CEP63: variants seen among roughly 807,000 people sequenced by gnomAD.
CEP63 encodes the protein centrosomal protein 63.
A neutral mutation model predicts 89.1 loss-of-function variants in CEP63; 84 were observed. The observed-to-expected ratio is 0.94, with a 90% CI of 0.79 to 1.13. The LOEUF (loss-of-function observed/expected upper bound fraction) is 1.13, where lower values mean the gene tolerates loss of function less well. Ranked by LOEUF, CEP63 falls within the 50% of genes most tolerant of loss-of-function variation. The pLI, the probability that CEP63 is intolerant of heterozygous loss-of-function variation, is 0.00. For missense variants in CEP63, 838 were observed against 813.3 expected, an observed-to-expected ratio of 1.03 and a Z score of -0.37; for synonymous variants, 267 against 272.5, an observed-to-expected ratio of 0.98 and a Z score of 0.20.
At chr3:134,709,986 C>T in the CEP63 span, among the ~76,000 whole-genome samples, 1 of 152,356 alleles carries the variant, frequency 6.6e-6, no homozygotes, top group African/African-American at 2.4e-5. Flanking sequence ...CTCCCCACTC[C>T]TCCCACCCTT....
downstream of CEP63, among the ~76,000 whole-genome samples, chr3:134,579,528 TA>T (rs1383260391): frequency 6.6e-6 from 1 of 152,220 alleles, no homozygotes; most frequent in Non-Finnish European, 1.5e-5. Flanking sequence ...TGCATTTCCA[TA>T]ATGACTAAAG....
At chr3:134,570,624 C>T (rs750434925) in intron 11 of CEP63, among the ~76,000 whole-genome samples, 6 of 152,214 alleles carry the variant, frequency 3.9e-5, no homozygotes, top group Non-Finnish European at 8.8e-5. Flanking sequence ...TCCAAACTTT[C>T]CCACATTTTC....
At chr3:134,602,755 C>T in the CEP63 span, among the ~76,000 whole-genome samples, 1 of 152,162 alleles carries the variant, frequency 6.6e-6, no homozygotes, top group Non-Finnish European at 1.5e-5. Flanking sequence ...ACTACCTGCC[C>T]TGTGTACTCC....
the CEP63 span, among the ~76,000 whole-genome samples, chr3:134,769,853 G>A: frequency 6.6e-6 from 1 of 152,218 alleles, no homozygotes; most frequent in Non-Finnish European, 1.5e-5. Flanking sequence ...ACATACAGGT[G>A]TATATCAAGG....
At chr3:134,504,111 C>T (rs1466308506) in intron 2 of CEP63, among the ~76,000 whole-genome samples, 1 of 143,292 alleles carries the variant, frequency 7.0e-6, no homozygotes, top group Admixed American at 6.8e-5. Context: ...TGGTCTCTCT[C>T]TCTTTTTTTT....
At chr3:134,730,323 C>A in the CEP63 span, among the ~76,000 whole-genome samples, 3 of 152,128 alleles carry the variant, frequency 2.0e-5, no homozygotes, top group African/African-American at 7.2e-5. Context: ...AATATTTAGG[C>A]GAGGCAGGTT....
the CEP63 span, among the ~76,000 whole-genome samples, chr3:134,740,483 G>C: frequency 2.8e-4 from 43 of 152,120 alleles, no homozygotes; most frequent in African/African-American, 9.6e-4. Flanking sequence ...AATTTTAGTA[G>C]AGATGGGGGT....
At chr3:134,652,344 A>T in the CEP63 span, among the ~76,000 whole-genome samples, 13 of 152,176 alleles carry the variant, frequency 8.5e-5, no homozygotes, top group Admixed American at 7.8e-4. Flanking sequence ...AGCAGGAGAG[A>T]TGTCACAGCC....
At chr3:134,528,980 C>T (rs1949306692) in intron 3 of CEP63, among the ~76,000 whole-genome samples, 1 of 152,020 alleles carries the variant, frequency 6.6e-6, no homozygotes, top group South Asian at 2.1e-4. Context: ...TCTTTTCTTG[C>T]TAATAAAAGC....
At chr3:134,775,389 G>A in the CEP63 span, among the ~76,000 whole-genome samples, 2 of 152,144 alleles carry the variant, frequency 1.3e-5, no homozygotes, top group Admixed American at 6.6e-5. Flanking sequence ...CTTCAGGTAA[G>A]GGGGCCAGCC....
At position 134,537,251 on chromosome 3, in the gene CEP63, C is replaced by A. The variant is rs771949417; in HGVS notation, c.538C>A (p.Gln180Lys). 1 of 1,608,614 alleles carries A rather than the reference C, an allele frequency of 6.2e-7. No individual in the cohort carries two copies. The highest frequency in any genetic ancestry group is 1.1e-5 in the South Asian group (1 of 90,960). The change falls in exon 6 of 15, where the codon CAA (glutamine) becomes AAA (lysine). Residue 180 changes from glutamine to lysine, a missense_variant. Coordinates refer to ENST00000675561, the MANE Select transcript of CEP63 (RefSeq NM_001353108.3). ...GGCACAAAGGAAGGCTCTGGCTGAACAATCAGAGATAATTCAGGTAGGCCT... is the reference window on the plus strand; with the variant it reads ...GGCACAAAGGAAGGCTCTGGCTGAAAAATCAGAGATAATTCAGGTAGGCCT... ...LEAQRKALAE[Q>K]SEIIQAQLVN...
the CEP63 span, among the ~76,000 whole-genome samples, chr3:134,778,753 G>T: frequency 6.6e-6 from 1 of 152,182 alleles, no homozygotes; most frequent in African/African-American, 2.4e-5. Flanking sequence ...GTAGAGACAG[G>T]GTTTCACCAT....
At chr3:134,570,652 C>T (rs1049709428) in intron 11 of CEP63, among the ~76,000 whole-genome samples, 1 of 152,228 alleles carries the variant, frequency 6.6e-6, no homozygotes. Flanking sequence ...CTTCTGAGCC[C>T]TCCAAGCTGT....
chr3:134,518,592 A>C (rs1946729088), intron 3 of CEP63, among the ~76,000 whole-genome samples: 2 of 152,246 alleles, frequency 1.3e-5, no homozygotes, highest in South Asian at 4.1e-4. Context: ...GGACTGAATA[A>C]TAATGAATAT....
Position 134,563,533 on chromosome 3 carries a change from C to A in CEP63, c.*1998C>A, listed in dbSNP as rs2110213785. ...CACCTCCCGGGCTCAAGTGATTCTC[C>A]TGCCTTAGCTTCCCGAGTAGCTGGG... On this transcript the variant is annotated 3_prime_UTR_variant, in exon 15 of 15. Coordinates refer to ENST00000675561, the MANE Select transcript of CEP63 (RefSeq NM_001353108.3). 6.6e-6 allele frequency: 1 copy of A among 152,432 alleles called. No individual in the cohort carries two copies. The allele number at this position is 152,432 out of a possible 1,614,324, so 9.4% of individuals were successfully genotyped here.
intron 2 of CEP63, among the ~76,000 whole-genome samples, chr3:134,503,022 T>A (rs1050421969): frequency 6.6e-6 from 1 of 151,932 alleles, no homozygotes; most frequent in Non-Finnish European, 1.5e-5. Flanking sequence ...CATGTATTTT[T>A]GTGGTTTTGA....
chr3:134,495,084 C>T (rs1939323469), intron 1 of CEP63, among the ~76,000 whole-genome samples: 3 of 152,130 alleles, frequency 2.0e-5, no homozygotes, highest in Admixed American at 6.5e-5. Flanking sequence ...AACCGCAATT[C>T]AGATATTTTT....
chr3:134,509,864 T>A (rs1944421325), intron 3 of CEP63, among the ~76,000 whole-genome samples: 1 of 152,224 alleles, frequency 6.6e-6, no homozygotes. Context: ...TATATAAATC[T>A]AATATGTATT....
At chr3:134,522,482 A>G (rs1947682701) in intron 3 of CEP63, among the ~76,000 whole-genome samples, 1 of 152,100 alleles carries the variant, frequency 6.6e-6, no homozygotes, top group African/African-American at 2.4e-5. Context: ...TTTAAATTTT[A>G]TTTTAAATTC....
Sources: allele counts gnomAD v4.1 joint callset (sites outside exome capture counted in the v4.1 genomes callset), GRCh38; gene constraint gnomAD v4.1.1; transcripts MANE v1.5; gene names NCBI Gene and HGNC (gene_info 2026-07-23, HGNC 2026-07-21).